The following NGEF variants were observed in gnomAD, a reference collection of about 807,000 sequenced individuals.
The protein encoded by NGEF is ephexin-1.
A neutral mutation model predicts 80.9 loss-of-function variants in NGEF; 31 were observed. The ratio of observed to expected loss-of-function variants is 0.38; its 90% CI spans 0.29 to 0.52. The LOEUF (loss-of-function observed/expected upper bound fraction) is 0.52. Ranked by LOEUF, NGEF falls within the 20% of genes least tolerant of loss-of-function variation. The probability of loss-of-function intolerance (pLI) is 0.84; values close to 1 mark genes in which losing one functional copy is unlikely to be tolerated. For synonymous variants in NGEF, 371 were observed against 370.2 expected (o/e 1.00, Z -0.03); for missense variants, 709 against 926.2 (o/e 0.77, Z 3.04).
chr2:232,904,945 A>G (rs896914206), intron 5 of NGEF, among the ~76,000 whole-genome samples: 10 of 152,220 alleles, frequency 6.6e-5, no homozygotes, highest in African/African-American at 2.4e-4. Context: ...CTTGTCTCTA[A>G]ATAAAAAAAC....
At chr2:232,882,126 C>T (rs1002430116) in intron 13 of NGEF, 60 bp downstream of exon 13, 27 of 1,486,476 alleles carry the variant, frequency 1.8e-5, no homozygotes, top group Middle Eastern at 1.7e-4. Context: ...CGTGCACCTG[C>T]GGCATCCGGC....
chr2:232,884,033 T>C lies in NGEF; in HGVS notation c.1549A>G (p.Ile517Val). 1 of 1,612,220 alleles carries C rather than the reference T, an allele frequency of 6.2e-7. No homozygotes were observed. The highest frequency in any genetic ancestry group is 8.5e-7 in the Non-Finnish European group (1 of 1,179,422). ...AGGTCGTTGAACAGGAAGAGGTAAATTTCGTGGAAGAGCTTCTTGGTCCTC... is the reference window on the plus strand; with the variant it reads ...AGGTCGTTGAACAGGAAGAGGTAAACTTCGTGGAAGAGCTTCTTGGTCCTC... The part of the protein sequence containing the change: ...TLRTKKLFHE[I>V]YLFLFNDLLV... Residue 517 changes from isoleucine to valine, a missense_variant, in exon 11 of 15, where the codon ATT becomes GTT. Transcript: ENST00000264051.
intron 3 of NGEF, among the ~76,000 whole-genome samples, chr2:232,932,010 C>T (rs1174826756): frequency 1.3e-5 from 2 of 152,158 alleles, no homozygotes; most frequent in Non-Finnish European, 2.9e-5. Flanking sequence ...CTCCTCATTG[C>T]TTTCCAAGGC....
intron 1 of NGEF, 132 bp from the exon 2 acceptor site, chr2:232,975,096 G>A (rs1471650573): frequency 1.6e-5 from 9 of 568,488 alleles, no homozygotes; most frequent in Admixed American, 7.1e-5. Context: ...CCACGTCTTC[G>A]CCACTGAAAA....
intron 3 of NGEF, among the ~76,000 whole-genome samples, chr2:232,934,679 C>T (rs1693292140): frequency 1.3e-5 from 2 of 151,890 alleles, no homozygotes; most frequent in South Asian, 4.2e-4. Flanking sequence ...ATATTTATAC[C>T]TGACTAGCAC....
chr2:232,993,166 T>TATAA (rs1553559476), intron 1 of NGEF, among the ~76,000 whole-genome samples: 2 of 93,872 alleles, frequency 2.1e-5, no homozygotes, highest in African/African-American at 1.4e-4. Context: ...TATATATATA[T>TATAA]TATATATATA....
At chr2:232,880,917 C>A (rs2106207904) in intron 14 of NGEF, among the ~76,000 whole-genome samples, 1 of 152,308 alleles carries the variant, frequency 6.6e-6, no homozygotes, top group Non-Finnish European at 1.5e-5. Context: ...GTGGGGTCTC[C>A]CGGCTCTAGG....
chr2:232,946,248 G>A (rs557500585), intron 3 of NGEF, among the ~76,000 whole-genome samples: 5 of 151,954 alleles, frequency 3.3e-5, no homozygotes, highest in African/African-American at 9.7e-5. Flanking sequence ...ATACAAAGAC[G>A]TAAGAATGAC....
At chr2:233,007,227 G>C (rs1335521720) in intron 1 of NGEF, among the ~76,000 whole-genome samples, 3 of 152,274 alleles carry the variant, frequency 2.0e-5, no homozygotes, top group Admixed American at 2.0e-4. Context: ...CTGAGCAACA[G>C]AGCAAGACCC....
chr2:232,960,370 A>G (rs757771697), intron 3 of NGEF, among the ~76,000 whole-genome samples: 20 of 152,192 alleles, frequency 1.3e-4, no homozygotes, highest in Non-Finnish European at 2.9e-4. Flanking sequence ...GAGGACCCCA[A>G]GGGACTGAGT....
chr2:233,011,870 C>T (rs1695214518), intron 1 of NGEF, among the ~76,000 whole-genome samples: 2 of 152,240 alleles, frequency 1.3e-5, no homozygotes, highest in South Asian at 4.1e-4. Flanking sequence ...CTGTGGGGAT[C>T]CCCTCCCTGG....
intron 1 of NGEF, among the ~76,000 whole-genome samples, chr2:233,000,885 C>T (rs890283334): frequency 6.6e-5 from 10 of 152,062 alleles, no homozygotes; most frequent in Non-Finnish European, 1.2e-4. Flanking sequence ...TAGCCCATAA[C>T]AACTGGAGAA....
rs1439907993 is a variant in NGEF, at chr2:232,968,162, TA to T, written c.383+2051del. 2.0e-5 allele frequency among the ~76,000 whole-genome samples: 3 copies of T among 149,750 alleles called. No homozygotes were observed. The South Asian group carries it at 6.4e-4, about 32-fold the overall frequency. On this transcript the variant is annotated intron_variant, in intron 3 of 14. Transcript: ENST00000264051. ...GGAGTGCAATGGTGTGATCTCTGCT[TA>T]CCGCAATCTCTGCCTTCCGGGTTCA... is the stretch of plus-strand genomic sequence containing the variant.
intron 3 of NGEF, among the ~76,000 whole-genome samples, chr2:232,945,500 C>A (rs1033898922): frequency 1.4e-5 from 2 of 146,780 alleles, no homozygotes; most frequent in Non-Finnish European, 3.0e-5. Context: ...CAGACACAGA[C>A]ACAGAGAAAG....
chr2:232,910,118 T>C (rs778365), intron 5 of NGEF, among the ~76,000 whole-genome samples: 37,968 of 151,740 alleles, frequency 0.25, 5,315 homozygotes, highest in Middle Eastern at 0.32. Flanking sequence ...CTTGTCATGA[T>C]TGGGGGGAGG....
intron 5 of NGEF, among the ~76,000 whole-genome samples, chr2:232,913,169 A>G (rs1692724549): frequency 6.6e-6 from 1 of 152,198 alleles, no homozygotes; most frequent in African/African-American, 2.4e-5. Context: ...CTTTTGCTGC[A>G]TCCCACTTGG....
intron 10 of NGEF, 28 bp downstream of exon 10, chr2:232,885,252 C>G (rs747546294): frequency 6.2e-7 from 1 of 1,607,098 alleles, no homozygotes; most frequent in Admixed American, 1.7e-5. Flanking sequence ...TGCATGGGCA[C>G]AGGCTCACAC....
intron 3 of NGEF, among the ~76,000 whole-genome samples, chr2:232,932,627 G>A (rs1041058143): frequency 4.6e-5 from 7 of 152,154 alleles, no homozygotes; most frequent in African/African-American, 1.7e-4. Context: ...GCAAAGTGCT[G>A]TAGTCTGGGG....
chr2:232,879,537 G>A lies in NGEF; in HGVS notation c.2085C>T (p.Arg695=), dbSNP rs1484073035. ...GCTTCCTGCGGTCCTTGTTCTGGCT[G>A]CGCTGAGGGTCATCCATCTTGTGGA... ...FRVHKMDDPQ[R]SQNKDRRKLG... The change falls in exon 15 of 15, where the codon CGC becomes CGT. Residue 695 remains arginine (R), a synonymous_variant. Transcript: ENST00000264051. 1 of 1,613,756 alleles carries A rather than the reference G, an allele frequency of 6.2e-7. No individual in the cohort carries two copies. Among genetic ancestry groups the A allele is most frequent in the Admixed American group, 1.7e-5 (1 of 60,020 alleles).
Sources: allele counts gnomAD v4.1 joint callset (sites outside exome capture counted in the v4.1 genomes callset), GRCh38; gene constraint gnomAD v4.1.1; transcripts MANE v1.5; gene names NCBI Gene and HGNC (gene_info 2026-07-23, HGNC 2026-07-21).